TNRC6C: variants seen among roughly 807,000 people sequenced by gnomAD.
TNRC6C encodes trinucleotide repeat-containing gene 6C protein.
A neutral mutation model predicts 153.7 loss-of-function variants in TNRC6C; 20 were observed. The observed-to-expected ratio is 0.13, with a 90% CI of 0.09 to 0.19. TNRC6C has a LOEUF of 0.19. Among genes scored for constraint, TNRC6C ranks in the 10% least tolerant of loss-of-function variants. TNRC6C has a pLI of 1.00. For missense variants in TNRC6C, 1,987 were observed against 2,172.0 expected, an observed-to-expected ratio of 0.91 and a Z score of 1.69; for synonymous variants, 811 against 841.4, an observed-to-expected ratio of 0.96 and a Z score of 0.63.
At chr17:77,996,009 G>A (rs2071322470) in intron 1 of TNRC6C, among the ~76,000 whole-genome samples, 1 of 152,092 alleles carries the variant, frequency 6.6e-6, no homozygotes, top group African/African-American at 2.4e-5. Flanking sequence ...GGAGTTCGAG[G>A]CTGCAGTGAG....
chr17:78,102,064 C>T (rs1315664268), intron 17 of TNRC6C, among the ~76,000 whole-genome samples: 33 of 152,196 alleles, frequency 2.2e-4, no homozygotes, highest in Non-Finnish European at 4.1e-4. Context: ...TGCCTTTTAG[C>T]GGCAGCCTTC....
At chr17:78,078,707 G>A (rs1355365759) in intron 9 of TNRC6C, among the ~76,000 whole-genome samples, 1 of 152,164 alleles carries the variant, frequency 6.6e-6, no homozygotes, top group African/African-American at 2.4e-5. Flanking sequence ...GCTCACGCCT[G>A]TAATCCTAGC....
exon 3 of TNRC6C, chr17:78,050,557 A>T (rs1210335972): frequency 1.9e-6 from 3 of 1,612,964 alleles, no homozygotes; most frequent in Non-Finnish European, 2.5e-6. Context: ...GTCCATCATG[A>T]ACAGTACAAA....
At chr17:78,098,193 T>C in intron 16 of TNRC6C, 150 bp from the exon 20 acceptor site, 4 of 814,570 alleles carry the variant, frequency 4.9e-6, no homozygotes. Flanking sequence ...TTGTGGTTAC[T>C]TGAGTTTGCC....
intron 1 of TNRC6C, among the ~76,000 whole-genome samples, chr17:77,988,727 A>G (rs540759596): frequency 6.6e-6 from 1 of 152,334 alleles, no homozygotes; most frequent in East Asian, 1.9e-4. Context: ...CTGAATGTTT[A>G]AATTCTGTGT....
upstream of TNRC6C, chr17:78,004,942 A>C: frequency 1.2e-6 from 1 of 820,988 alleles, no homozygotes; most frequent in Non-Finnish European, 1.6e-6. Context: ...GCAAAAACTC[A>C]TTTTTAAAAT....
chr17:78,086,097 T>C (rs28485134), intron 11 of TNRC6C, among the ~76,000 whole-genome samples: 37,205 of 151,832 alleles, frequency 0.25, 5,572 homozygotes, highest in African/African-American at 0.4. Flanking sequence ...TTTGGGAGGC[T>C]GAGGCAGGCA....
chr17:77,970,505 A>G (rs561073177), intron 1 of TNRC6C, among the ~76,000 whole-genome samples: 2 of 152,334 alleles, frequency 1.3e-5, no homozygotes, highest in South Asian at 4.2e-4. Context: ...TTACTTTGAT[A>G]TCACAACTTT....
At chr17:78,072,280 C>T (rs572226860) in intron 6 of TNRC6C, among the ~76,000 whole-genome samples, 44 of 152,338 alleles carry the variant, frequency 2.9e-4, no homozygotes, top group Middle Eastern at 6.8e-3. Flanking sequence ...CTTCAGTCAT[C>T]CCCTGAGATT....
chr17:78,104,448 G>A lies in TNRC6C; in HGVS notation c.4713-37G>A. The A allele has an allele frequency of 6.9e-7, 1 of 1,457,850 alleles. No homozygotes were observed. Among genetic ancestry groups the A allele is most frequent in the Non-Finnish European group, 9.1e-7 (1 of 1,102,044 alleles). The allele number at this position is 1,457,850 out of a possible 1,614,324, so 90.3% of individuals were successfully genotyped here. A position where few individuals can be genotyped will look rare whatever the true frequency, so the allele number is the denominator to read the frequency against. On this transcript the variant is annotated intron_variant, in intron 19 of 19. Transcript: ENST00000301624. This position sits in a 1 kb window ranked among gnomAD's most constrained non-coding sequence, Gnocchi z 6.2. Reference sequence around the variant, plus strand: ...GTGCCACGAACTCAGCAGGACTTGGGGTGGCCCTGTTCACGTGCCCCATCT... The same window carrying A: ...GTGCCACGAACTCAGCAGGACTTGGAGTGGCCCTGTTCACGTGCCCCATCT...
At chr17:78,064,230 G>A (rs9897909) in intron 3 of TNRC6C, among the ~76,000 whole-genome samples, 3,356 of 151,976 alleles carry the variant, frequency 0.022, 127 homozygotes, top group African/African-American at 0.075. Context: ...CCAATAGCTC[G>A]GATTACAAGT....
At chr17:78,106,533 A>AC (rs892145136) in exon 20 of TNRC6C, 14 of 127,890 alleles carry the variant, frequency 1.1e-4, no homozygotes, top group South Asian at 2.8e-4. Flanking sequence ...AAAAAAAAAA[A>AC]AAACAAAACA....
chr17:78,026,697 C>T (rs145468899), intron 1 of TNRC6C, among the ~76,000 whole-genome samples: 98 of 152,176 alleles, frequency 6.4e-4, no homozygotes, highest in African/African-American at 2.1e-3. Flanking sequence ...ATTCTGAGAG[C>T]GTTACAAGAC....
At chr17:78,021,428 C>T (rs1263936166) in intron 1 of TNRC6C, among the ~76,000 whole-genome samples, 1 of 152,198 alleles carries the variant, frequency 6.6e-6, no homozygotes, top group Non-Finnish European at 1.5e-5. Context: ...AGTAAAAGCA[C>T]CTGCGTTTCT....
intron 1 of TNRC6C, among the ~76,000 whole-genome samples, chr17:77,976,537 G>T: frequency 6.6e-6 from 1 of 152,156 alleles, no homozygotes; most frequent in East Asian, 1.9e-4. Context: ...TCTTAATGTG[G>T]TGTTGGATTC....
At chr17:78,102,344 A>G (rs2073611998) in intron 17 of TNRC6C, 130 bp from the exon 21 acceptor site, 1 of 788,030 alleles carries the variant, frequency 1.3e-6, no homozygotes, top group African/African-American at 1.8e-5. Flanking sequence ...TCCCAGGCTG[A>G]GAAAGGCTTT....
chr17:78,086,328 TAAAAAAAAAAAAAAAAA>T lies in TNRC6C; in HGVS notation c.3478-159_3478-143del, dbSNP rs58348772. On this transcript the variant is annotated intron_variant, in intron 11 of 19. Transcript: ENST00000301624. ...CTGGATGACAGAGCGAGACTCCATC[TAAAAAAAAAAAAAAAAA>T]AAAAAAAAAAAAAAACAGTATGTGT... Among the ~76,000 whole-genome samples, 91 of 53,374 alleles carry T rather than the reference TAAAAAAAAAAAAAAAAA, an allele frequency of 1.7e-3. 1 individual carries two copies. The highest frequency in any genetic ancestry group is 3.1e-3 in the East Asian group (7 of 2,254). 35.0% of individuals were successfully genotyped at this position (53,374 alleles called of 152,430 possible).
At chr17:78,054,014 C>T (rs2072593208) in intron 3 of TNRC6C, among the ~76,000 whole-genome samples, 2 of 152,326 alleles carry the variant, frequency 1.3e-5, no homozygotes, top group South Asian at 4.1e-4. Context: ...ACCTAGATGG[C>T]ATAGCCTCCT....
Position 77,989,654 on chromosome 17 carries a change from C to G in TNRC6C, c.-37-14516C>G, listed in dbSNP as rs139473842. Reference sequence around the variant, plus strand: ...TTTGTTTACCCACTAACTGTAAGCTCTTGATAATAGGGATCTTACGTATCT... The same window carrying G: ...TTTGTTTACCCACTAACTGTAAGCTGTTGATAATAGGGATCTTACGTATCT... On this transcript the variant is annotated intron_variant, in intron 1 of 22. Transcript: ENST00000636222. 6.2e-4 allele frequency among the ~76,000 whole-genome samples: 95 copies of G among 152,308 alleles called. 1 individual carries two copies. The highest frequency in any genetic ancestry group is 2.2e-3 in the African/African-American group (91 of 41,566).
Sources: gnomAD v4.1 joint callset for allele counts (sites outside exome capture counted in the v4.1 genomes callset) on GRCh38, gnomAD v4.1.1 for gene constraint, Gnocchi (gnomAD v3.1) non-coding constraint, MANE v1.5 for transcripts, NCBI Gene and HGNC (gene_info 2026-07-23, HGNC 2026-07-21) for gene names.